Variants in CADM2 observed in about 807,000 individuals in gnomAD.
The protein encoded by CADM2 is immunoglobulin superfamily member 4D.
CADM2 carries 12 observed loss-of-function variants against 49.8 expected under a neutral mutation model. That is an observed-to-expected ratio of 0.24 (90% confidence interval 0.15 to 0.39). The LOEUF is 0.39. Ranked by LOEUF, CADM2 falls within the 10% of genes least tolerant of loss-of-function variation. CADM2 has a pLI of 1.00. For missense variants in CADM2, 378 were observed against 492.3 expected (o/e 0.77, Z 2.20); for synonymous variants, 214 against 175.4 (o/e 1.22, Z -1.74).
At chr3:85,739,938 CAA>C (rs1430500513) in intron 2 of CADM2, among the ~76,000 whole-genome samples, 1 of 152,062 alleles carries the variant, frequency 6.6e-6, no homozygotes, top group African/African-American at 2.4e-5. Context: ...GAGTAATATG[CAA>C]AGTGCAAATG....
rs142587573 is a variant in CADM2 at position 85,310,492 on chromosome 3, C to T, written c.61+350824C>T. Among the ~76,000 whole-genome samples the T allele has an allele frequency of 3.9e-5, 6 of 152,170 alleles. No homozygotes were observed. The East Asian group carries it at 5.8e-4, about 15-fold the overall frequency. The stretch of plus-strand genomic sequence containing the variant: ...GTCATACTCAAGATCTTTTCCCTGC[C>T]GAATTCATCTCTGCAACCAGGGTCA... On this transcript the variant is annotated intron_variant, in intron 1 of 9. Transcript: ENST00000383699.
At chr3:86,035,555 G>T (rs964348011) in intron 8 of CADM2, among the ~76,000 whole-genome samples, 1 of 151,976 alleles carries the variant, frequency 6.6e-6, no homozygotes, top group African/African-American at 2.4e-5. Flanking sequence ...CACAGTGTTT[G>T]AAAAATATTT....
At chr3:85,562,305 C>A (rs956363530) in intron 1 of CADM2, among the ~76,000 whole-genome samples, 3 of 151,766 alleles carry the variant, frequency 2.0e-5, no homozygotes, top group African/African-American at 7.3e-5. Context: ...ATTGAGAGAC[C>A]TGATCTCTAC....
intron 3 of CADM2, among the ~76,000 whole-genome samples, chr3:85,867,390 C>G (rs2075763045): frequency 1.3e-5 from 2 of 151,846 alleles, no homozygotes; most frequent in Admixed American, 1.3e-4. Context: ...TCCTAATCCT[C>G]ATAAATAAAT....
chr3:85,308,334 C>CACACACACACACACACACACA (rs2044264750), intron 1 of CADM2, among the ~76,000 whole-genome samples: 2 of 151,338 alleles, frequency 1.3e-5, no homozygotes, highest in African/African-American at 2.4e-5. Context: ...CACACACACA[C>CACACACACACACACACACACA]ACACACAACA....
At chr3:84,983,073 A>G (rs2032308635) in intron 1 of CADM2, among the ~76,000 whole-genome samples, 2 of 151,920 alleles carry the variant, frequency 1.3e-5, no homozygotes, top group African/African-American at 4.8e-5. Flanking sequence ...AAATGTTGTA[A>G]CTTTAGTTAA....
At chr3:86,054,755 T>C (rs998954411) in intron 8 of CADM2, among the ~76,000 whole-genome samples, 3 of 152,154 alleles carry the variant, frequency 2.0e-5, no homozygotes, top group Non-Finnish European at 1.5e-5. Context: ...AACTATATTT[T>C]ACTCTTAGGC....
chr3:85,876,340 G>A (rs541621045), intron 3 of CADM2, among the ~76,000 whole-genome samples: 26 of 152,038 alleles, frequency 1.7e-4, no homozygotes, highest in African/African-American at 5.3e-4. Flanking sequence ...TTTCTCAAAC[G>A]TTGTTAATAC....
chr3:85,625,838 T>C (rs1176962619), intron 1 of CADM2, among the ~76,000 whole-genome samples: 1 of 151,992 alleles, frequency 6.6e-6, no homozygotes, highest in Non-Finnish European at 1.5e-5. Context: ...AGCATTGATT[T>C]TAAAACTATT....
At chr3:85,027,546 A>G (rs967465603) in intron 1 of CADM2, among the ~76,000 whole-genome samples, 2 of 152,022 alleles carry the variant, frequency 1.3e-5, no homozygotes, top group Non-Finnish European at 2.9e-5. Context: ...CCACTTTTAT[A>G]TTTCATAGTA....
chr3:85,885,625 T>C (rs969290412), intron 4 of CADM2, among the ~76,000 whole-genome samples: 6 of 141,598 alleles, frequency 4.2e-5, no homozygotes, highest in Non-Finnish European at 7.5e-5. Context: ...GAGGTTGCAG[T>C]GAACAGAGAT....
chr3:85,910,435 T>A (rs1005531506), intron 5 of CADM2, among the ~76,000 whole-genome samples: 1 of 152,046 alleles, frequency 6.6e-6, no homozygotes, highest in Non-Finnish European at 1.5e-5. Flanking sequence ...AAGCAAAGAA[T>A]CATAAATGCA....
chr3:85,546,395 C>A (rs1209572117), intron 1 of CADM2, among the ~76,000 whole-genome samples: 1 of 152,110 alleles, frequency 6.6e-6, no homozygotes, highest in East Asian at 1.9e-4. Flanking sequence ...CTAATCGTGC[C>A]ATCTCCCTCT....
chr3:85,414,418 G>C (rs991698237), intron 1 of CADM2, among the ~76,000 whole-genome samples: 2 of 152,128 alleles, frequency 1.3e-5, no homozygotes, highest in African/African-American at 4.8e-5. Context: ...AATGGTCATA[G>C]CAAGTATGTA....
chr3:85,301,948 A>G (rs563406792), intron 1 of CADM2, among the ~76,000 whole-genome samples: 1 of 152,044 alleles, frequency 6.6e-6, no homozygotes, highest in Non-Finnish European at 1.5e-5. Flanking sequence ...TTGTATGCGT[A>G]GCTTTTCTGA....
rs1316242807 is a variant in CADM2, at chr3:86,025,831, G to GA, written c.971-39767dup. ...TCTGGAACTAAACATCAGGAGTACA[G>GA]AAAAAAATACTTACTTGTTCCTGAG... On this transcript the variant is annotated intron_variant, in intron 8 of 9. Coordinates refer to ENST00000383699, the MANE Select transcript of CADM2 (RefSeq NM_001167675.2). 2.6e-5 allele frequency among the ~76,000 whole-genome samples: 4 copies of GA among 151,898 alleles called. No individual in the cohort carries two copies. In the East Asian group the frequency reaches 7.7e-4, roughly 29 times the overall value.
chr3:85,196,483 A>G (rs1198329484), intron 1 of CADM2, among the ~76,000 whole-genome samples: 1 of 151,982 alleles, frequency 6.6e-6, no homozygotes, highest in Non-Finnish European at 1.5e-5. Context: ...ATTATGACTC[A>G]TCAGGAGAGT....
chr3:85,378,715 G>A (rs116750952), intron 1 of CADM2, among the ~76,000 whole-genome samples: 2,627 of 151,866 alleles, frequency 0.017, 72 homozygotes, highest in African/African-American at 0.059. Context: ...TGAACTCTGG[G>A]GACTTGAGGG....
At chr3:85,950,995 G>A (rs1723362574) in intron 7 of CADM2, among the ~76,000 whole-genome samples, 1 of 151,020 alleles carries the variant, frequency 6.6e-6, no homozygotes, top group South Asian at 2.1e-4. Context: ...TCAGACAGAA[G>A]TACTGATAGT....
Sources: gnomAD v4.1 joint callset for allele counts (sites outside exome capture counted in the v4.1 genomes callset) on GRCh38, gnomAD v4.1.1 for gene constraint, MANE v1.5 for transcripts, NCBI Gene and HGNC (gene_info 2026-07-23, HGNC 2026-07-21) for gene names.